The following TEAD4 variants were observed in gnomAD, a reference collection of about 807,000 sequenced individuals.
TEAD4 encodes the protein TEA domain transcription factor 4.
TEAD4 carries 36 observed loss-of-function variants against 52.4 expected under a neutral mutation model. That is an observed-to-expected ratio of 0.69 (90% CI 0.53 to 0.91). TEAD4 has a LOEUF of 0.91. Among genes scored for constraint, TEAD4 ranks in the 40% least tolerant of loss-of-function variants. The probability of loss-of-function intolerance (pLI) is 0.00; values close to 1 mark genes in which losing one functional copy is unlikely to be tolerated. For missense variants in TEAD4, 508 were observed against 583.9 expected, an observed-to-expected ratio of 0.87 and a Z score of 1.34; for synonymous variants, 220 against 231.0, an observed-to-expected ratio of 0.95 and a Z score of 0.43.
At chr12:3,024,134 G>A (rs940222524) in intron 10 of TEAD4, among the ~76,000 whole-genome samples, 3 of 151,842 alleles carry the variant, frequency 2.0e-5, no homozygotes, top group South Asian at 2.1e-4. Flanking sequence ...AGGTGCAGTG[G>A]CGTGATCTTG....
At chr12:2,999,120 G>A (rs551734596) in intron 3 of TEAD4, among the ~76,000 whole-genome samples, 6 of 152,298 alleles carry the variant, frequency 3.9e-5, no homozygotes, top group Middle Eastern at 3.4e-3. Context: ...CCCTCTGGGA[G>A]GCGGAATGGG....
chr12:3,010,629 G>A (rs142062054), intron 3 of TEAD4, among the ~76,000 whole-genome samples: 1,906 of 152,314 alleles, frequency 0.013, 18 homozygotes, highest in Middle Eastern at 0.027. Context: ...CAGCTCCCTG[G>A]AGCCTCCCAA....
At chr12:2,971,939 A>G (rs2098225514) in intron 2 of TEAD4, among the ~76,000 whole-genome samples, 2 of 148,628 alleles carry the variant, frequency 1.3e-5, no homozygotes, top group African/African-American at 2.5e-5. Flanking sequence ...CAGCCTCCCA[A>G]ATAGTTGAGA....
chr12:3,018,454 G>A, intron 6 of TEAD4, 91 bp from the exon 7 acceptor site: 1 of 1,486,832 alleles, frequency 6.7e-7, no homozygotes, highest in Non-Finnish European at 9.4e-7. Context: ...CCTCCCAGTG[G>A]AGGCCCTGCC....
chr12:3,028,982 A>G (rs1361599652), intron 10 of TEAD4, among the ~76,000 whole-genome samples: 1 of 152,048 alleles, frequency 6.6e-6, no homozygotes, highest in African/African-American at 2.4e-5. Flanking sequence ...TTGAATTATG[A>G]GTTCTTAGTT....
Position 3,011,073 on chromosome 12 carries a change from G to A in TEAD4, c.291+5G>A, listed in dbSNP as rs1246672941. 1.9e-6 allele frequency: 3 copies of A among 1,613,932 alleles called. No homozygotes were observed. The highest frequency in any genetic ancestry group is 1.7e-5 in the Admixed American group (1 of 59,990). On this transcript the variant is annotated splice_donor_5th_base_variant and intron_variant, in intron 4 of 12. Transcript: ENST00000359864. ...AAGACCCGCACCAGGAAGCAGGTGG[G>A]CCTCAAGAGACGGGTAGGGGTCCCG...
At chr12:2,971,122 T>G (rs1272649103) in intron 2 of TEAD4, among the ~76,000 whole-genome samples, 1 of 152,218 alleles carries the variant, frequency 6.6e-6, no homozygotes, top group Non-Finnish European at 1.5e-5. Flanking sequence ...ACGGAAGCCC[T>G]GGTTCCTGTC....
rs372168813 is a variant in TEAD4 at position 2,961,232 on chromosome 12, A to G, written c.-30+1192A>G. On this transcript the variant is annotated intron_variant, in intron 2 of 12. Transcript: ENST00000359864. ...AGCCTGAACTACTTTTCCTGGTTTA[A>G]CTCTCCTCGGAGCTGACCAGGTAAC... Among the ~76,000 whole-genome samples, 9 of 152,198 alleles carry G rather than the reference A, an allele frequency of 5.9e-5. No homozygotes were observed. The East Asian group carries it at 1.2e-3, about 20-fold the overall frequency.
At chr12:3,032,892 A>G (rs1478222854) in intron 10 of TEAD4, among the ~76,000 whole-genome samples, 3 of 152,338 alleles carry the variant, frequency 2.0e-5, no homozygotes, top group African/African-American at 7.2e-5. Flanking sequence ...CTTTGCGTCA[A>G]TCGTGGGTCC....
At chr12:2,969,475 AC>A (rs2098223352) in intron 2 of TEAD4, among the ~76,000 whole-genome samples, 1 of 152,350 alleles carries the variant, frequency 6.6e-6, no homozygotes, top group Admixed American at 6.5e-5. Context: ...TGTAGAACTT[AC>A]TAGGGATGCT....
chr12:3,017,343 G>GCCTCAGCCTGA, intron 5 of TEAD4, 55 bp from the exon 6 acceptor site: 2 of 1,611,790 alleles, frequency 1.2e-6, no homozygotes, highest in Non-Finnish European at 1.7e-6. Context: ...GACCTGCCTG[G>GCCTCAGCCTGA]CCTCAGCCTG....
Position 3,038,084 on chromosome 12 carries a change from C to A in TEAD4, c.1014C>A (p.Gly338=). 6.2e-7 allele frequency: 1 copy of A among 1,613,264 alleles called. No homozygotes were observed. The stretch of plus-strand genomic sequence containing the variant: ...GCTCCACGAAGGTCTGCTCTTTCGG[C>A]AAGCAGGTGGTGGAGAAAGTTGAGG... Residue 338 remains glycine (G), a synonymous_variant, in exon 11 of 13, where the codon GGC becomes GGA. Transcript: ENST00000359864.
At chr12:2,964,542 C>T (rs2098218651) in intron 2 of TEAD4, among the ~76,000 whole-genome samples, 1 of 151,428 alleles carries the variant, frequency 6.6e-6, no homozygotes, top group African/African-American at 2.4e-5. Context: ...ACCACAACGT[C>T]TGCCTCCTGG....
chr12:3,024,238 C>G (rs2098270647), intron 10 of TEAD4, among the ~76,000 whole-genome samples: 1 of 152,026 alleles, frequency 6.6e-6, no homozygotes, highest in African/African-American at 2.4e-5. Context: ...CCACGCCTGG[C>G]TAATTTTTTG....
At chr12:3,005,551 C>A (rs900957623) in intron 3 of TEAD4, among the ~76,000 whole-genome samples, 4 of 151,924 alleles carry the variant, frequency 2.6e-5, no homozygotes, top group African/African-American at 9.7e-5. Context: ...GGCTGGAGTG[C>A]AATGGTGCAA....
At chr12:3,007,518 G>A (rs941703649) in intron 3 of TEAD4, among the ~76,000 whole-genome samples, 1 of 152,178 alleles carries the variant, frequency 6.6e-6, no homozygotes, top group Non-Finnish European at 1.5e-5. Context: ...AAGTTAATGA[G>A]GTTTACGCGT....
intron 2 of TEAD4, among the ~76,000 whole-genome samples, chr12:2,989,558 C>T (rs1591568752): frequency 1.3e-5 from 2 of 152,288 alleles, no homozygotes; most frequent in East Asian, 3.9e-4. Context: ...CATGCCTCAG[C>T]CTCCCAAGTA....
intron 10 of TEAD4, among the ~76,000 whole-genome samples, chr12:3,026,856 G>A (rs1366508533): frequency 6.6e-6 from 1 of 152,128 alleles, no homozygotes; most frequent in African/African-American, 2.4e-5. Context: ...TTTAATTTCG[G>A]CTCTGACATT....
intron 3 of TEAD4, among the ~76,000 whole-genome samples, chr12:3,003,771 G>A (rs1233373987): frequency 6.6e-6 from 1 of 152,130 alleles, no homozygotes; most frequent in African/African-American, 2.4e-5. Context: ...GGGGTTGGCC[G>A]AGGCCACCTG....
Sources: gnomAD v4.1 joint callset for allele counts (sites outside exome capture counted in the v4.1 genomes callset) on GRCh38, gnomAD v4.1.1 for gene constraint, MANE v1.5 for transcripts, NCBI Gene and HGNC (gene_info 2026-07-23, HGNC 2026-07-21) for gene names.